Variants in NOP2 observed in about 807,000 individuals in gnomAD.
The protein encoded by NOP2 is NOP2 nucleolar protein.
NOP2 carries 7 observed loss-of-function variants against 72.7 expected under a neutral mutation model. The ratio of observed to expected loss-of-function variants is 0.10; its 90% CI spans 0.05 to 0.18. The LOEUF is 0.18. NOP2 is among the 10% of genes least tolerant of loss of function. NOP2 has a pLI of 1.00. For synonymous variants in NOP2, 387 were observed against 388.0 expected (o/e 1.00, Z 0.03); for missense variants, 954 against 1,014.7 (o/e 0.94, Z 0.81).
Position 6,557,104 on chromosome 12 carries a change from G to T in NOP2, c.2328C>A (p.Thr776=). ...CAGTGGGAGGCTGAGGCCCCTTGGGGGTATCATTCTGTTTCTGGAAGGCAG... is the reference window on the plus strand; with the variant it reads ...CAGTGGGAGGCTGAGGCCCCTTGGGTGTATCATTCTGTTTCTGGAAGGCAG... ...EKAAFQKQND[T]PKGPQPPTVS... is the part of the protein sequence containing the mutation. Residue 776 remains threonine (T), a synonymous_variant, in exon 16 of 16, where the codon ACC becomes ACA. Coordinates refer to ENST00000322166, the MANE Select transcript of NOP2 (RefSeq NM_001258308.2). 4 of 1,613,994 alleles carry T rather than the reference G, an allele frequency of 2.5e-6. No homozygotes were observed. The highest frequency in any genetic ancestry group is 1.6e-4 in the Middle Eastern group (1 of 6,062).
In NOP2 at chr12:6,561,609, C is replaced by T. The variant is rs1947651748; in HGVS notation, c.1207+55G>A. On this transcript the variant is annotated intron_variant, in intron 11 of 15. Transcript: ENST00000322166. ...GAGTCAGCAACCCCAGCAACCCCAT[C>T]TACTTTCAAAAGCAAGACAGCCCGA... 5.0e-6 allele frequency: 8 copies of T among 1,599,820 alleles called. No homozygotes were observed. In the South Asian group the frequency reaches 8.9e-5, roughly 18 times the overall value.
intron 15 of NOP2, among the ~76,000 whole-genome samples, chr12:6,558,485 G>A (rs1470525338): frequency 6.6e-6 from 1 of 151,936 alleles, no homozygotes; most frequent in Non-Finnish European, 1.5e-5. Flanking sequence ...AGCTGGTCTT[G>A]AACTCCTGAC....
In NOP2 at chr12:6,563,510, G is replaced by C. The variant is rs377474941; in HGVS notation, c.693C>G (p.Ala231=). 2.1e-5 allele frequency: 34 copies of C among 1,612,446 alleles called. 1 individual carries two copies. In the African/African-American group the frequency reaches 4.0e-4, roughly 19 times the overall value. ...LPPAGEMEQD[A]QAPDLQRVHK... The stretch of plus-strand genomic sequence containing the variant: ...GAACTCGTTGCAGGTCTGGAGCCTG[G>C]GCATGTGGGCCTGTTAAGGAACTGT... Residue 231 remains alanine, a synonymous_variant, in exon 8 of 16, where the codon GCC becomes GCG. Coordinates refer to ENST00000322166, the MANE Select transcript of NOP2 (RefSeq NM_001258308.2).
In NOP2 at chr12:6,561,655, CT is replaced by C. The variant is rs763293245; in HGVS notation, c.1207+8del. 15 of 1,612,248 alleles carry C rather than the reference CT, an allele frequency of 9.3e-6. No individual in the cohort carries two copies. The highest frequency in any genetic ancestry group is 1.3e-5 in the Non-Finnish European group (15 of 1,178,700). On this transcript the variant is annotated splice_region_variant and intron_variant, in intron 11 of 15. Coordinates refer to ENST00000322166, the MANE Select transcript of NOP2 (RefSeq NM_001258308.2). ...CCCGATGAATCCCACCTGCCTGCCC[CT>C]CTCATACCCATGTAGCTGGTCTTTC...
In NOP2 at chr12:6,563,509, G is replaced by C. The variant is rs780079206; in HGVS notation, c.694C>G (p.Gln232Glu). The change falls in exon 8 of 16, where the codon CAG becomes GAG. Residue 232 changes from glutamine to glutamate, a missense_variant. By Grantham distance (29) the Gln-to-Glu change is conservative. Coordinates refer to ENST00000322166, the MANE Select transcript of NOP2 (RefSeq NM_001258308.2). ...TGAACTCGTTGCAGGTCTGGAGCCT[G>C]GGCATGTGGGCCTGTTAAGGAACTG... ...PPAGEMEQDA[Q>E]APDLQRVHKR... 17 of 1,612,418 alleles carry C rather than the reference G, an allele frequency of 1.1e-5. No individual in the cohort carries two copies. Among genetic ancestry groups the C allele is most frequent in the Middle Eastern group, 1.6e-4 (1 of 6,084 alleles).
intron 5 of NOP2, among the ~76,000 whole-genome samples, chr12:6,565,515 T>C (rs1449602731): frequency 1.3e-5 from 2 of 151,388 alleles, no homozygotes; most frequent in Non-Finnish European, 1.5e-5. Context: ...AATTTTCATA[T>C]TTTTAGTAGG....
chr12:6,566,431 T>C (rs1592247719), intron 4 of NOP2, 95 bp from the exon 5 acceptor site: 1 of 1,504,180 alleles, frequency 6.6e-7, no homozygotes, highest in Non-Finnish European at 9.2e-7. Context: ...GAATGTCCTT[T>C]GGCTGTTCCT....
At position 6,567,555 on chromosome 12, in the gene NOP2, G is replaced by A. The variant is rs1050501050; in HGVS notation, c.103+261C>T. On this transcript the variant is annotated intron_variant, in intron 2 of 15. Transcript: ENST00000322166. ...CAAAAACTTTTACAGTTCTGCATGG[G>A]CTCCCCCTTCCTCTGAACTCACAAT... The A allele has an allele frequency of 4.6e-5, 17 of 365,846 alleles. No homozygotes were observed. The Admixed American group carries it at 7.5e-4, about 16-fold the overall frequency. 22.7% of individuals were successfully genotyped at this position (365,846 alleles called of 1,614,324 possible).
chr12:6,566,236 C>T lies in NOP2; in HGVS notation c.339G>A (p.Glu113=). The change falls in exon 5 of 16, where the codon GAG becomes GAA. Residue 113 remains glutamate, a synonymous_variant. Coordinates refer to ENST00000322166, the MANE Select transcript of NOP2 (RefSeq NM_001258308.2). The stretch of plus-strand genomic sequence containing the variant: ...CTTCAGAGTCTTCCTCCTCCTCTTC[C>T]TCATCACTGCCAGGTGCTGGGCGCT... ...GKKRPAPGSD[E]EEEEEDSEED... The T allele has an allele frequency of 6.2e-7, 1 of 1,613,988 alleles. No individual in the cohort carries two copies. Among genetic ancestry groups the T allele is most frequent in the Non-Finnish European group, 8.5e-7 (1 of 1,179,886 alleles).
At chr12:6,564,035 A>G in intron 5 of NOP2, 89 bp from the exon 6 acceptor site, 1 of 1,545,650 alleles carries the variant, frequency 6.5e-7, no homozygotes, top group Non-Finnish European at 8.7e-7. Flanking sequence ...TTTTCGCTAA[A>G]TAAAAATCCA....
intron 5 of NOP2, 141 bp downstream of exon 5, chr12:6,565,960 G>T: frequency 1.5e-6 from 1 of 671,510 alleles, no homozygotes; most frequent in Non-Finnish European, 2.6e-6. Context: ...ATATAAGGCA[G>T]TAGGGAAACA....
rs759443743 is a variant in NOP2, at chr12:6,563,168, C to T, written c.891G>A (p.Leu297=). The T allele has an allele frequency of 1.3e-6, 2 of 1,587,310 alleles. No individual in the cohort carries two copies. The highest frequency in any genetic ancestry group is 2.7e-5 in the African/African-American group (2 of 74,360). ...CCTCATTAGCTTCTAAGAACTCCAC[C>T]AGCTGCGGGGCAAGACAGCAGGGAA... ...KLMDLFPLSE[L]VEFLEANEVP... The change falls in exon 9 of 16, where the codon CTG becomes CTA. Residue 297 remains leucine, a splice_region_variant and synonymous_variant. Coordinates refer to ENST00000322166, the MANE Select transcript of NOP2 (RefSeq NM_001258308.2).
intron 15 of NOP2, chr12:6,558,155 A>AAG (rs1947551181): frequency 2.5e-6 from 1 of 399,068 alleles, no homozygotes; most frequent in Non-Finnish European, 4.8e-6. Flanking sequence ...AAAAAAAAAA[A>AAG]AAAAAAAAAA....
At chr12:6,557,916 G>GT in intron 15 of NOP2, 1 of 430,416 alleles carries the variant, frequency 2.3e-6, no homozygotes, top group Non-Finnish European at 4.2e-6. Flanking sequence ...GCCAAGGCAA[G>GT]TGGATTGCTT....
chr12:6,560,144 A>G lies in NOP2; in HGVS notation c.1743T>C (p.Ile581=), dbSNP rs1188925880. 16 of 1,614,044 alleles carry G rather than the reference A, an allele frequency of 9.9e-6. No homozygotes were observed. Among genetic ancestry groups the G allele is most frequent in the Non-Finnish European group, 1.4e-5 (16 of 1,179,884 alleles). Residue 581 remains isoleucine (I), a synonymous_variant, in exon 15 of 16, where the codon ATT becomes ATC. Transcript: ENST00000322166. The surrounding 1 kb of genome is among the most constrained non-coding windows in gnomAD (Gnocchi z 5.0). ...PHTHNMDGFF[I]AKFKKFSNSI... ...AATTGGAAAATTTCTTGAACTTGGC[A>G]ATGAAGAACCCATCCATATTGTGGG...
At chr12:6,567,276 A>T (rs1947806115) in intron 2 of NOP2, among the ~76,000 whole-genome samples, 1 of 152,164 alleles carries the variant, frequency 6.6e-6, no homozygotes, top group African/African-American at 2.4e-5. Context: ...AACATGACCA[A>T]CAAGTTTAAT....
chr12:6,559,765 C>G (rs1947595889), intron 15 of NOP2, among the ~76,000 whole-genome samples: 1 of 152,190 alleles, frequency 6.6e-6, no homozygotes, highest in Non-Finnish European at 1.5e-5. Flanking sequence ...GCTGGACCAG[C>G]AGAGGTCCAG....
intron 9 of NOP2, among the ~76,000 whole-genome samples, chr12:6,562,315 T>C (rs986191687): frequency 6.6e-6 from 1 of 152,104 alleles, no homozygotes; most frequent in African/African-American, 2.4e-5. Flanking sequence ...AATAACCTCA[T>C]AGGCTACTCT....
In NOP2 at chr12:6,567,620, G is replaced by A. The variant is rs1592249342; in HGVS notation, c.103+196C>T. 3 of 502,912 alleles carry A rather than the reference G, an allele frequency of 6.0e-6. No individual in the cohort carries two copies. The East Asian group carries it at 1.0e-4, about 17-fold the overall frequency. 31.2% of individuals were successfully genotyped at this position (502,912 alleles called of 1,614,324 possible). ...CTTTTCCCTTGCATGAATAATAGTTGTGTCCGTGTCTTCACATCTCTACGA... is the reference window on the plus strand; with the variant it reads ...CTTTTCCCTTGCATGAATAATAGTTATGTCCGTGTCTTCACATCTCTACGA... On this transcript the variant is annotated intron_variant, in intron 2 of 15. Coordinates refer to ENST00000322166, the MANE Select transcript of NOP2 (RefSeq NM_001258308.2).
Sources: allele counts gnomAD v4.1 joint callset (sites outside exome capture counted in the v4.1 genomes callset), GRCh38; gene constraint gnomAD v4.1.1; non-coding constraint Gnocchi (gnomAD v3.1); transcripts MANE v1.5; gene names NCBI Gene and HGNC (gene_info 2026-07-23, HGNC 2026-07-21).